ANKIB1: variants seen among roughly 807,000 people sequenced by gnomAD.
ANKIB1 encodes the protein ankyrin repeat and IBR domain-containing protein 1.
A neutral mutation model predicts 122.1 loss-of-function variants in ANKIB1; 43 were observed. The ratio of observed to expected loss-of-function variants is 0.35; its 90% confidence interval spans 0.28 to 0.45. The LOEUF (loss-of-function observed/expected upper bound fraction) is 0.45. Among genes scored for constraint, ANKIB1 ranks in the 20% least tolerant of loss-of-function variants. The pLI, the probability that ANKIB1 is intolerant of heterozygous loss-of-function variation, is 1.00. For missense variants in ANKIB1, 992 were observed against 1,329.5 expected (o/e 0.75, Z 3.95); for synonymous variants, 390 against 442.0 (o/e 0.88, Z 1.48).
At chr7:92,315,799 G>A (rs1212505126) in intron 3 of ANKIB1, among the ~76,000 whole-genome samples, 3 of 152,172 alleles carry the variant, frequency 2.0e-5, no homozygotes, top group Non-Finnish European at 4.4e-5. Flanking sequence ...GCATAATTGA[G>A]TCATTTGCTG....
At chr7:92,338,220 G>A (rs1455346158) in intron 5 of ANKIB1, among the ~76,000 whole-genome samples, 1 of 151,552 alleles carries the variant, frequency 6.6e-6, no homozygotes, top group Non-Finnish European at 1.5e-5. Flanking sequence ...GACATACTTG[G>A]GCAACATAGT....
At chr7:92,333,229 C>G (rs561593063) in intron 5 of ANKIB1, among the ~76,000 whole-genome samples, 2 of 152,292 alleles carry the variant, frequency 1.3e-5, no homozygotes, top group Admixed American at 1.3e-4. Context: ...CATTGACTGC[C>G]TATCACTCCT....
chr7:92,249,465 A>G (rs994163230), intron 1 of ANKIB1, among the ~76,000 whole-genome samples: 16 of 152,208 alleles, frequency 1.1e-4, no homozygotes, highest in Middle Eastern at 3.2e-3. Context: ...TCACGCCTGT[A>G]ATCCCAGCAC....
Position 92,246,337 on chromosome 7 carries a change from C to G in ANKIB1, c.-273C>G, listed in dbSNP as rs2131852507. The G allele has an allele frequency of 2.3e-6, 1 of 438,512 alleles. No individual in the cohort carries two copies. Among genetic ancestry groups the G allele is most frequent in the Non-Finnish European group, 4.5e-6 (1 of 221,076 alleles). The allele number at this position is 438,512 out of a possible 1,614,324, so 27.2% of individuals were successfully genotyped here. ...CCCGCGGGCCGCCAGTGCGCACCCT[C>G]GGCCACATCAGCCTCCGCCTGGCGG... On this transcript the variant is annotated 5_prime_UTR_variant, in exon 1 of 20. Coordinates refer to ENST00000265742, the MANE Select transcript of ANKIB1 (RefSeq NM_019004.2).
chr7:92,397,590 A>G, intron 18 of ANKIB1, 133 bp from the exon 19 acceptor site: 1 of 866,488 alleles, frequency 1.2e-6, no homozygotes, highest in East Asian at 2.5e-5. Context: ...AGAAAGATTA[A>G]GTGAACATGT....
In ANKIB1 at chr7:92,305,743, A is replaced by G. The variant is rs536071235; in HGVS notation, c.189-1616A>G. 1.5e-4 allele frequency among the ~76,000 whole-genome samples: 23 copies of G among 152,290 alleles called. No individual in the cohort carries two copies. The South Asian group carries it at 4.8e-3, about 32-fold the overall frequency. ...GACCATAAAGGCTACATGGAGCTGTAGAGAAAATAAGCATGTAGAGAAAAC... is the reference window on the plus strand; with the variant it reads ...GACCATAAAGGCTACATGGAGCTGTGGAGAAAATAAGCATGTAGAGAAAAC... On this transcript the variant is annotated intron_variant, in intron 2 of 19. Transcript: ENST00000265742.
At chr7:92,288,336 T>C (rs925342937) in intron 1 of ANKIB1, among the ~76,000 whole-genome samples, 3 of 152,308 alleles carry the variant, frequency 2.0e-5, no homozygotes, top group Admixed American at 6.5e-5. Context: ...AAAACTCTCA[T>C]TGAAAATCAA....
intron 1 of ANKIB1, among the ~76,000 whole-genome samples, chr7:92,285,677 A>G (rs749172085): frequency 2.0e-5 from 3 of 152,256 alleles, no homozygotes; most frequent in Non-Finnish European, 4.4e-5. Context: ...AACAAGATCT[A>G]TACATAACAC....
chr7:92,344,043 A>G (rs1803485084), intron 6 of ANKIB1, among the ~76,000 whole-genome samples: 1 of 152,148 alleles, frequency 6.6e-6, no homozygotes, highest in Admixed American at 6.5e-5. Flanking sequence ...AGAATCCTGT[A>G]ATTTGCATAT....
chr7:92,390,146 C>T (rs767084380), intron 15 of ANKIB1, 30 bp downstream of exon 15: 17 of 1,485,446 alleles, frequency 1.1e-5, no homozygotes, highest in Non-Finnish European at 1.4e-5. Context: ...ATTTAAATGG[C>T]AGCAGTTATT....
At chr7:92,300,397 A>G (rs1802436812) in intron 2 of ANKIB1, among the ~76,000 whole-genome samples, 1 of 152,054 alleles carries the variant, frequency 6.6e-6, no homozygotes, top group African/African-American at 2.4e-5. Context: ...ATGGCTCATA[A>G]TTTTTTAATT....
In ANKIB1 at chr7:92,371,122, CT is replaced by C. The variant is rs747673798; in HGVS notation, c.1487-352del. On this transcript the variant is annotated intron_variant, in intron 10 of 19. Transcript: ENST00000265742. ...TAAATTATTTTCTAAAGTAATTGTT[CT>C]TTCTGTAATTTTCTGTGATACAATA... Among the ~76,000 whole-genome samples the C allele has an allele frequency of 3.1e-4, 46 of 149,350 alleles. 1 individual carries two copies. The highest frequency in any genetic ancestry group is 9.8e-4 in the African/African-American group (40 of 40,836).
At chr7:92,294,689 T>TA (rs1427218190) in intron 1 of ANKIB1, among the ~76,000 whole-genome samples, 200 bp from the exon 2 acceptor site, 1 of 152,188 alleles carries the variant, frequency 6.6e-6, no homozygotes, top group African/African-American at 2.4e-5. Flanking sequence ...GGGAAAGTGT[T>TA]AAAGTTTAAC....
intron 6 of ANKIB1, 121 bp from the exon 7 acceptor site, chr7:92,344,857 A>G (rs1344988939): frequency 3.0e-6 from 2 of 673,814 alleles, no homozygotes. Flanking sequence ...TGAAAGAGGT[A>G]ACTTTCAAAA....
intron 6 of ANKIB1, among the ~76,000 whole-genome samples, chr7:92,343,685 A>G (rs1025148135): frequency 1.3e-5 from 2 of 152,208 alleles, no homozygotes; most frequent in Admixed American, 6.5e-5. Context: ...ACACACATAT[A>G]TACATCATAT....
intron 4 of ANKIB1, chr7:92,319,866 T>C (rs1360785588): frequency 5.1e-6 from 1 of 194,388 alleles, no homozygotes; most frequent in East Asian, 1.6e-4. Flanking sequence ...GTCCAAGAGT[T>C]CAAGGCTGCC....
At chr7:92,392,847 G>C (rs1804815258) in intron 17 of ANKIB1, among the ~76,000 whole-genome samples, 1 of 151,998 alleles carries the variant, frequency 6.6e-6, no homozygotes. Context: ...TTGAAATACA[G>C]AAGGTCTAAA....
At position 92,250,619 on chromosome 7, in the gene ANKIB1, A is replaced by G. The variant is rs562242476; in HGVS notation, c.-91+4100A>G. ...TCCAGGAAGGGTAGAGTATTGAGCC[A>G]TGTGAAATCTATTCAGCTTTTAAAA... On this transcript the variant is annotated intron_variant, in intron 1 of 19. Transcript: ENST00000265742. Among the ~76,000 whole-genome samples the G allele has an allele frequency of 9.8e-5, 15 of 152,316 alleles. No homozygotes were observed. The South Asian group carries it at 2.9e-3, about 29-fold the overall frequency.
chr7:92,298,088 A>T (rs1310706912), intron 2 of ANKIB1, among the ~76,000 whole-genome samples: 4 of 152,076 alleles, frequency 2.6e-5, no homozygotes. Flanking sequence ...AAATTCCTAC[A>T]ATTTACATTT....
Sources: gnomAD v4.1 joint callset for allele counts (sites outside exome capture counted in the v4.1 genomes callset) on GRCh38, gnomAD v4.1.1 for gene constraint, MANE v1.5 for transcripts, NCBI Gene and HGNC (gene_info 2026-07-23, HGNC 2026-07-21) for gene names.